Variants in NEXMIF observed in about 807,000 individuals in gnomAD.
The protein encoded by NEXMIF is XLMR protein related to neurite extension.
Under a neutral mutation model 62.1 loss-of-function variants are expected in NEXMIF, and 8 were observed. The observed-to-expected ratio is 0.13, with a 90% CI of 0.08 to 0.23. The LOEUF (loss-of-function observed/expected upper bound fraction) is 0.23, where lower values mean the gene tolerates loss of function less well. Ranked by LOEUF, NEXMIF falls within the 10% of genes least tolerant of loss-of-function variation. The pLI, the probability that NEXMIF is intolerant of heterozygous loss-of-function variation, is 1.00. For missense variants in NEXMIF, 976 were observed against 1,113.3 expected (o/e 0.88, Z 1.75); for synonymous variants, 404 against 416.6 (o/e 0.97, Z 0.37).
chrX:74,914,054 A>G (rs994481304), intron 1 of NEXMIF, among the ~76,000 whole-genome samples: 6 of 112,041 alleles, frequency 5.4e-5, no homozygotes, highest in African/African-American at 1.9e-4. Flanking sequence ...GGTTGAAGCA[A>G]AAATTGTAGC....
At chrX:74,802,465 G>A (rs1039040794) in intron 1 of NEXMIF, among the ~76,000 whole-genome samples, 1 of 111,114 alleles carries the variant, frequency 9.0e-6, no homozygotes, top group Admixed American at 9.6e-5. Flanking sequence ...GATCACCAAG[G>A]CGGTACCTCT....
At chrX:74,764,881 G>A (rs1472596465) in intron 1 of NEXMIF, among the ~76,000 whole-genome samples, 1 of 112,022 alleles carries the variant, frequency 8.9e-6, no homozygotes. Flanking sequence ...ATGTGGCAGT[G>A]AGAAGAATGT....
intron 1 of NEXMIF, among the ~76,000 whole-genome samples, chrX:74,834,998 CT>C (rs1442609075): frequency 9.0e-6 from 1 of 111,421 alleles, no homozygotes; most frequent in Non-Finnish European, 1.9e-5. Context: ...GTTTTTCATT[CT>C]TTTTTCTTTC....
At chrX:74,885,729 G>C (rs56671181) in intron 1 of NEXMIF, among the ~76,000 whole-genome samples, 1 of 111,449 alleles carries the variant, frequency 9.0e-6, no homozygotes, top group South Asian at 3.7e-4. Flanking sequence ...ACAAGGAGGA[G>C]CTGGTACCAT....
intron 1 of NEXMIF, among the ~76,000 whole-genome samples, chrX:74,765,408 C>T (rs2080191628): frequency 9.0e-6 from 1 of 111,488 alleles, no homozygotes; most frequent in South Asian, 3.8e-4. Flanking sequence ...TTAAATGAGG[C>T]ATTTATCCCA....
At chrX:74,819,314 A>C (rs2080386684) in intron 1 of NEXMIF, among the ~76,000 whole-genome samples, 2 of 112,188 alleles carry the variant, frequency 1.8e-5, no homozygotes, top group Admixed American at 9.4e-5. Context: ...CAATGGCAAC[A>C]AAAGCCAAAA....
intron 1 of NEXMIF, among the ~76,000 whole-genome samples, chrX:74,881,927 T>A (rs1380714244): frequency 9.0e-6 from 1 of 111,630 alleles, no homozygotes; most frequent in African/African-American, 3.3e-5. Flanking sequence ...TTTTCCGTGA[T>A]GGTCTAATCT....
chrX:74,778,809 T>A (rs1423662088), intron 1 of NEXMIF, among the ~76,000 whole-genome samples: 1 of 111,686 alleles, frequency 9.0e-6, no homozygotes, highest in Non-Finnish European at 1.9e-5. Context: ...TGCCACCACA[T>A]CCAGCTGGGG....
intron 1 of NEXMIF, among the ~76,000 whole-genome samples, chrX:74,857,775 C>T (rs921838501): frequency 2.7e-5 from 3 of 111,854 alleles, no homozygotes; most frequent in Non-Finnish European, 5.6e-5. Flanking sequence ...CAAAGGGAGG[C>T]TGACTTCCAT....
At chrX:74,866,145 A>C (rs886163788) in intron 1 of NEXMIF, among the ~76,000 whole-genome samples, 17 of 111,836 alleles carry the variant, frequency 1.5e-4, no homozygotes, top group Non-Finnish European at 2.4e-4. Flanking sequence ...GGAGGGGGCT[A>C]TATGCTTCCA....
chrX:74,739,919 A>T, intron 3 of NEXMIF, 181 bp downstream of exon 3: 1 of 437,468 alleles, frequency 2.3e-6, no homozygotes, highest in Non-Finnish European at 3.9e-6. Context: ...TGGGTGGCTT[A>T]AAGGTATAGG....
At chrX:74,774,645 T>C (rs1246227435) in intron 1 of NEXMIF, among the ~76,000 whole-genome samples, 1 of 111,875 alleles carries the variant, frequency 8.9e-6, no homozygotes, top group African/African-American at 3.2e-5. Flanking sequence ...GGTAAGTACT[T>C]TTAAAAATTA....
At chrX:74,837,404 G>A (rs984836879) in intron 1 of NEXMIF, among the ~76,000 whole-genome samples, 3 of 111,664 alleles carry the variant, frequency 2.7e-5, no homozygotes, top group South Asian at 7.5e-4. Flanking sequence ...TTATATACCA[G>A]CAAACATAAG....
chrX:74,900,351 C>T (rs1412680976), intron 1 of NEXMIF, among the ~76,000 whole-genome samples: 1 of 108,085 alleles, frequency 9.3e-6, no homozygotes, highest in Non-Finnish European at 1.9e-5. Flanking sequence ...GTAGTCCCAG[C>T]TACTCGGGAG....
At chrX:74,894,025 C>T (rs776646002) in intron 1 of NEXMIF, among the ~76,000 whole-genome samples, 173 of 111,781 alleles carry the variant, frequency 1.5e-3, no homozygotes, top group Middle Eastern at 4.6e-3. Context: ...GCTATGGTGG[C>T]TCACGCTTGA....
chrX:74,869,227 G>A (rs2147503453), intron 1 of NEXMIF, among the ~76,000 whole-genome samples: 1 of 111,811 alleles, frequency 8.9e-6, no homozygotes, highest in South Asian at 3.7e-4. Context: ...AAAATCATGT[G>A]ATCATTTCCA....
chrX:74,816,979 G>A (rs188784942), intron 1 of NEXMIF, among the ~76,000 whole-genome samples: 1 of 112,125 alleles, frequency 8.9e-6, no homozygotes, highest in Admixed American at 9.5e-5. Context: ...AGTCCAATTT[G>A]AAATCGGATT....
At chrX:74,882,283 G>C (rs767236151) in intron 1 of NEXMIF, among the ~76,000 whole-genome samples, 1 of 112,064 alleles carries the variant, frequency 8.9e-6, no homozygotes, top group East Asian at 2.8e-4. Flanking sequence ...TCACTGGGGA[G>C]TGCTGGACAG....
chrX:74,872,931 A>AT (rs908267099), intron 1 of NEXMIF, among the ~76,000 whole-genome samples: 2 of 109,311 alleles, frequency 1.8e-5, no homozygotes, highest in South Asian at 7.7e-4. Context: ...TTATTTTTTT[A>AT]TTTTTTATTT....
Sources: gnomAD v4.1 joint callset for allele counts (sites outside exome capture counted in the v4.1 genomes callset) on GRCh38, gnomAD v4.1.1 for gene constraint, MANE v1.5 for transcripts, NCBI Gene and HGNC (gene_info 2026-07-23, HGNC 2026-07-21) for gene names.